The following CA6 variants were observed in gnomAD, a reference collection of about 807,000 sequenced individuals.
CA6 encodes the protein carbonic anhydrase 6.
CA6 carries 28 observed loss-of-function variants against 35.9 expected under a neutral mutation model. The ratio of observed to expected loss-of-function variants is 0.78; its 90% CI spans 0.58 to 1.07. The LOEUF (loss-of-function observed/expected upper bound fraction) is 1.07, where lower values mean the gene tolerates loss of function less well. CA6 is among the 50% of genes least tolerant of loss of function. The probability of loss-of-function intolerance (pLI) is 0.00; values close to 1 mark genes in which losing one functional copy is unlikely to be tolerated. For synonymous variants in CA6, 148 were observed against 152.6 expected (o/e 0.97, Z 0.22); for missense variants, 377 against 382.0 (o/e 0.99, Z 0.11).
At chr1:8,974,181 A>G (rs893387234) in intron 7 of CA6, among the ~76,000 whole-genome samples, 3 of 152,154 alleles carry the variant, frequency 2.0e-5, no homozygotes, top group Non-Finnish European at 2.9e-5. Flanking sequence ...TGCGTGACTC[A>G]TGGTATTTCA....
chr1:8,948,548 G>A (rs996519947), intron 1 of CA6, among the ~76,000 whole-genome samples: 1 of 151,984 alleles, frequency 6.6e-6, no homozygotes, highest in South Asian at 2.1e-4. Flanking sequence ...GGGCATGGAA[G>A]GACAACTGGG....
At position 8,957,269 on chromosome 1, in the gene CA6, T is replaced by C. The variant is rs1639713225; in HGVS notation, c.392T>C (p.Ile131Thr). Reference protein sequence around the residue: ...ISGSEHTVDGIRHVIEIHIVH... With the variant: ...ISGSEHTVDGTRHVIEIHIVH... The stretch of plus-strand genomic sequence containing the variant: ...GGCTCTGAGCACACCGTGGACGGGA[T>C]CAGACATGTGATCGAGGTACCTGAG... Residue 131 changes from isoleucine (I) to threonine (T), a missense_variant, in exon 3 of 8, where the codon ATC (isoleucine) becomes ACC (threonine). Transcript: ENST00000377443. 6.2e-7 allele frequency: 1 copy of C among 1,613,004 alleles called. No individual in the cohort carries two copies. Among genetic ancestry groups the C allele is most frequent in the African/African-American group, 1.3e-5 (1 of 74,886 alleles).
intron 6 of CA6, 134 bp downstream of exon 6, chr1:8,967,950 T>C: frequency 3.5e-6 from 2 of 563,658 alleles, no homozygotes; most frequent in Non-Finnish European, 5.9e-6. Context: ...CTACTGTGCC[T>C]CGTCTAGCCA....
chr1:8,965,889 A>AC (rs1639954886), intron 5 of CA6, among the ~76,000 whole-genome samples: 1 of 149,270 alleles, frequency 6.7e-6, no homozygotes, highest in East Asian at 2.0e-4. Context: ...TCTGCTTCAA[A>AC]AAAAAAAAAA....
At chr1:8,967,572 G>C in intron 5 of CA6, 87 bp from the exon 6 acceptor site, 1 of 1,052,172 alleles carries the variant, frequency 9.5e-7, no homozygotes, top group Non-Finnish European at 1.4e-6. Flanking sequence ...CAAGAGATTG[G>C]AACCTGGCGA....
In CA6 at chr1:8,962,609, C is replaced by T; in HGVS notation, c.524C>T (p.Thr175Ile). The change falls in exon 5 of 8, where the codon ACT becomes ATT. Residue 175 changes from threonine to isoleucine, a missense_variant. By Grantham distance (89) the Thr-to-Ile change is moderately conservative (BLOSUM62 -1). Transcript: ENST00000377443. ...CAGGTGAAGAATTACCCTGAAAACA[C>T]TTATTACAGCAACTTCATTTCTCAT... ...FVEVKNYPENTYYSNFISHLA... is the reference protein window; with the variant it reads ...FVEVKNYPENIYYSNFISHLA... 6.2e-7 allele frequency: 1 copy of T among 1,613,908 alleles called. No homozygotes were observed. Among genetic ancestry groups the T allele is most frequent in the Non-Finnish European group, 8.5e-7 (1 of 1,179,780 alleles).
At chr1:8,955,793 A>G (rs928468000) in intron 2 of CA6, among the ~76,000 whole-genome samples, 1 of 152,262 alleles carries the variant, frequency 6.6e-6, no homozygotes, top group African/African-American at 2.4e-5. Context: ...ACATTACGTT[A>G]TGAATTTAAT....
chr1:8,962,236 T>TAA (rs201328498), intron 4 of CA6, among the ~76,000 whole-genome samples: 4 of 139,770 alleles, frequency 2.9e-5, no homozygotes, highest in African/African-American at 1.1e-4. Context: ...AGCAAGACTC[T>TAA]TAAAAAAAAA....
chr1:8,951,826 A>ATTT (rs34846629), intron 2 of CA6: 125 of 274,012 alleles, frequency 4.6e-4, no homozygotes, highest in Middle Eastern at 2.2e-3. Context: ...ATTAAAAACA[A>ATTT]TTTTTTTTTT....
At position 8,957,184 on chromosome 1, in the gene CA6, A is replaced by C. The variant is rs1281072407; in HGVS notation, c.307A>C (p.Thr103Pro). 1.2e-6 allele frequency: 2 copies of C among 1,613,830 alleles called. No homozygotes were observed. The highest frequency in any genetic ancestry group is 1.7e-6 in the Non-Finnish European group (2 of 1,179,942). Residue 103 changes from threonine (T) to proline (P), a missense_variant, in exon 3 of 8, where the codon ACT becomes CCT. Coordinates refer to ENST00000377443, the MANE Select transcript of CA6 (RefSeq NM_001215.4). The stretch of plus-strand genomic sequence containing the variant: ...CATGCGCATGACAGTGGCTGACGGC[A>C]CTGTATACATAGCCCAGCAGATGCA... ...STMRMTVADGTVYIAQQMHFH... is the reference protein window; with the variant it reads ...STMRMTVADGPVYIAQQMHFH...
chr1:8,963,909 G>A lies in CA6; in HGVS notation c.571+1253G>A, dbSNP rs771049119. Among the ~76,000 whole-genome samples, 32 of 152,116 alleles carry A rather than the reference G, an allele frequency of 2.1e-4. No homozygotes were observed. Among genetic ancestry groups the A allele is most frequent in the Non-Finnish European group, 4.0e-4 (27 of 68,016 alleles). ...CCCAGAAATCCTAAAGTATCACGCT[G>A]GGCATTTTCTTTCTGACCTCCCAAA... On this transcript the variant is annotated intron_variant, in intron 5 of 7. Coordinates refer to ENST00000377443, the MANE Select transcript of CA6 (RefSeq NM_001215.4). The surrounding 1 kb of genome is among the most constrained non-coding windows in gnomAD (Gnocchi z 4.1).
chr1:8,972,503 T>G (rs1007045447), intron 7 of CA6, among the ~76,000 whole-genome samples: 2 of 152,068 alleles, frequency 1.3e-5, no homozygotes, highest in African/African-American at 4.8e-5. Context: ...AAACCCCGCC[T>G]CTACTAAATA....
intron 2 of CA6, among the ~76,000 whole-genome samples, chr1:8,950,134 C>A (rs1284708330): frequency 6.7e-6 from 1 of 149,758 alleles, no homozygotes; most frequent in Non-Finnish European, 1.5e-5. Context: ...CATGCACCAC[C>A]ATGCCCAGCT....
intron 4 of CA6, among the ~76,000 whole-genome samples, chr1:8,959,477 G>C (rs1295043731): frequency 1.3e-5 from 2 of 151,884 alleles, no homozygotes; most frequent in African/African-American, 4.8e-5. Flanking sequence ...ACCACGTCTG[G>C]CTAATTTTTG....
In CA6 at chr1:8,963,300, C is replaced by A. The variant is rs1442400045; in HGVS notation, c.571+644C>A. Among the ~76,000 whole-genome samples the A allele has an allele frequency of 6.6e-6, 1 of 152,090 alleles. No individual in the cohort carries two copies. Among genetic ancestry groups the A allele is most frequent in the African/African-American group, 2.4e-5 (1 of 41,412 alleles). ...ACCTGGGGCTTCCACATTCTTGCTC[C>A]TAGTGACGCCTGTGTCCTTTCATCT... On this transcript the variant is annotated intron_variant, in intron 5 of 7. Transcript: ENST00000377443. The surrounding 1 kb of genome is among the most constrained non-coding windows in gnomAD (Gnocchi z 4.1).
At chr1:8,959,254 T>C (rs747939874) in intron 4 of CA6, among the ~76,000 whole-genome samples, 9 of 151,818 alleles carry the variant, frequency 5.9e-5, no homozygotes, top group Admixed American at 6.6e-5. Flanking sequence ...AGACACAAAT[T>C]GTTCGAAGGG....
intron 2 of CA6, among the ~76,000 whole-genome samples, chr1:8,956,385 C>T (rs183476400): frequency 7.9e-5 from 12 of 152,064 alleles, no homozygotes; most frequent in African/African-American, 2.2e-4. Context: ...TTCAGCTGGG[C>T]GTGGTGGCTC....
chr1:8,962,015 C>T (rs1221179395), intron 4 of CA6, among the ~76,000 whole-genome samples: 3 of 151,888 alleles, frequency 2.0e-5, no homozygotes, highest in South Asian at 2.1e-4. Context: ...CGAGGTGGGC[C>T]GATCACCTGA....
chr1:8,968,261 C>T (rs1006747973), intron 6 of CA6, among the ~76,000 whole-genome samples: 12 of 151,992 alleles, frequency 7.9e-5, no homozygotes, highest in African/African-American at 2.2e-4. Context: ...CCACTGCACC[C>T]GGCCATCTCC....
Sources: gnomAD v4.1 joint callset for allele counts (sites outside exome capture counted in the v4.1 genomes callset) on GRCh38, gnomAD v4.1.1 for gene constraint, Gnocchi (gnomAD v3.1) non-coding constraint, MANE v1.5 for transcripts, NCBI Gene and HGNC (gene_info 2026-07-23, HGNC 2026-07-21) for gene names.